Variants in OPCML observed in about 807,000 individuals in gnomAD.
The protein encoded by OPCML is opioid binding protein/cell adhesion molecule like.
In OPCML, 13 loss-of-function variants were observed where a neutral mutation model predicts 37.8. That is an observed-to-expected ratio of 0.34 (90% CI 0.22 to 0.55). OPCML has a LOEUF of 0.55. Among genes scored for constraint, OPCML ranks in the 20% least tolerant of loss-of-function variants. OPCML has a pLI of 0.91. For missense variants in OPCML, 341 were observed against 435.6 expected, an observed-to-expected ratio of 0.78 and a Z score of 1.93; for synonymous variants, 176 against 168.8, an observed-to-expected ratio of 1.04 and a Z score of -0.33.
chr11:132,430,543 A>G (rs2095993185), intron 7 of OPCML, among the ~76,000 whole-genome samples: 2 of 152,304 alleles, frequency 1.3e-5, no homozygotes, highest in East Asian at 3.9e-4. Context: ...CTGGAGTCAC[A>G]GCTGCTCCAA....
intron 1 of OPCML, among the ~76,000 whole-genome samples, chr11:133,215,089 C>A (rs892987116): frequency 6.6e-6 from 1 of 152,180 alleles, no homozygotes; most frequent in South Asian, 2.1e-4. Flanking sequence ...ATATCTCCAC[C>A]TTTTCACAGA....
At chr11:133,348,383 C>A (rs755820339) in intron 1 of OPCML, among the ~76,000 whole-genome samples, 2 of 152,160 alleles carry the variant, frequency 1.3e-5, no homozygotes, top group African/African-American at 2.4e-5. Context: ...GCAGGTGCTG[C>A]GTAAATGTTT....
chr11:132,541,784 A>C (rs988875414), intron 3 of OPCML, among the ~76,000 whole-genome samples: 44 of 152,310 alleles, frequency 2.9e-4, no homozygotes, highest in African/African-American at 1.0e-3. Flanking sequence ...AGCTACAGCC[A>C]GCCCACAGCT....
chr11:133,111,163 A>C (rs1164492067), intron 1 of OPCML, among the ~76,000 whole-genome samples: 1 of 138,730 alleles, frequency 7.2e-6, no homozygotes, highest in Non-Finnish European at 1.6e-5. Flanking sequence ...TTTGGGTAAT[A>C]TATTTAGTTC....
At chr11:132,682,917 G>T (rs988667803) in intron 2 of OPCML, among the ~76,000 whole-genome samples, 1 of 152,124 alleles carries the variant, frequency 6.6e-6, no homozygotes, top group Non-Finnish European at 1.5e-5. Flanking sequence ...TCTTCAAAAG[G>T]GTTTCTCACC....
intron 2 of OPCML, among the ~76,000 whole-genome samples, chr11:132,888,387 C>G (rs1409349309): frequency 2.0e-5 from 3 of 152,104 alleles, no homozygotes; most frequent in Admixed American, 2.0e-4. Context: ...TGATGTGTGA[C>G]AAATTGAAGG....
rs1001832056 is a variant in OPCML at position 132,852,925 on chromosome 11, A to T, written c.146+90001T>A. On this transcript the variant is annotated intron_variant, in intron 2 of 7. Transcript: ENST00000524381. ...TTGTTAAAAAAAAAAAAAAAGAAGA[A>T]GATTTGACAGACACCTTATGTAGCC... Among the ~76,000 whole-genome samples, 4 of 152,094 alleles carry T rather than the reference A, an allele frequency of 2.6e-5. No homozygotes were observed. The East Asian group carries it at 7.7e-4, about 29-fold the overall frequency.
At chr11:133,349,078 G>A (rs1296094104) in intron 1 of OPCML, among the ~76,000 whole-genome samples, 1 of 152,158 alleles carries the variant, frequency 6.6e-6, no homozygotes, top group Non-Finnish European at 1.5e-5. Context: ...ACTTCATACT[G>A]GCTGTATGTG....
chr11:133,100,669 C>G, intron 1 of OPCML, among the ~76,000 whole-genome samples: 1 of 152,024 alleles, frequency 6.6e-6, no homozygotes, highest in East Asian at 1.9e-4. Flanking sequence ...CACACAAATA[C>G]AGTAAACTGA....
chr11:133,481,531 T>C (rs1947372213), intron 1 of OPCML, among the ~76,000 whole-genome samples: 1 of 152,208 alleles, frequency 6.6e-6, no homozygotes. Context: ...TAAAATGTAT[T>C]CAGGCCATCC....
In OPCML at chr11:132,420,232, T is replaced by C. The variant is rs761181550; in HGVS notation, c.978A>G (p.Leu326=). ...SASRALACLW[L]SGTLLAHFFI... is the part of the protein sequence containing the mutation. ...AGAAGTGGGCTAAGAGGGTCCCTGA[T>C]AGCCAGAGACAAGCCAGTGCTCTGG... The change falls in exon 8 of 8, where the codon CTA becomes CTG. Residue 326 remains leucine, a synonymous_variant. Coordinates refer to ENST00000524381, the MANE Select transcript of OPCML (RefSeq NM_001012393.5). 2.5e-5 allele frequency: 41 copies of C among 1,613,790 alleles called. No homozygotes were observed. The highest frequency in any genetic ancestry group is 3.1e-5 in the Non-Finnish European group (37 of 1,179,864).
At chr11:132,877,854 A>G (rs1414221318) in intron 2 of OPCML, among the ~76,000 whole-genome samples, 1 of 152,228 alleles carries the variant, frequency 6.6e-6, no homozygotes, top group African/African-American at 2.4e-5. Flanking sequence ...GCGTAGCCAT[A>G]TGGTCATAGG....
At chr11:132,945,525 A>G (rs1945726353) in intron 1 of OPCML, among the ~76,000 whole-genome samples, 1 of 152,168 alleles carries the variant, frequency 6.6e-6, no homozygotes, top group Admixed American at 6.5e-5. Context: ...CGGGTGGGGA[A>G]TGGAGGCCTA....
chr11:132,617,824 C>T lies in OPCML; in HGVS notation c.379+39263G>A, dbSNP rs537866008. The stretch of plus-strand genomic sequence containing the variant: ...CCTCTTCTCATAAGGACACCAGTTC[C>T]GTCAGATTGAGGCCCTAACCTTATG... On this transcript the variant is annotated intron_variant, in intron 3 of 7. Transcript: ENST00000524381. 8.2e-4 allele frequency among the ~76,000 whole-genome samples: 125 copies of T among 152,284 alleles called. 1 individual carries two copies. The highest frequency in any genetic ancestry group is 2.8e-3 in the African/African-American group (115 of 41,562).
At chr11:132,681,625 G>A (rs891225219) in intron 2 of OPCML, among the ~76,000 whole-genome samples, 1 of 152,034 alleles carries the variant, frequency 6.6e-6, no homozygotes, top group Non-Finnish European at 1.5e-5. Context: ...CATTCCTCCG[G>A]GATGCCGGAC....
At chr11:133,287,365 G>A (rs2136527308) in intron 1 of OPCML, among the ~76,000 whole-genome samples, 1 of 145,734 alleles carries the variant, frequency 6.9e-6, no homozygotes, top group East Asian at 2.0e-4. Context: ...TCTCACCTTG[G>A]CCTCCCGACG....
intron 2 of OPCML, among the ~76,000 whole-genome samples, chr11:132,864,391 A>C (rs1218774225): frequency 6.6e-6 from 1 of 152,232 alleles, no homozygotes; most frequent in African/African-American, 2.4e-5. Context: ...TTAAGGCTCA[A>C]ATCTGTCACT....
intron 1 of OPCML, among the ~76,000 whole-genome samples, chr11:133,483,668 AATAGATG>A (rs1314201183): frequency 1.4e-5 from 2 of 143,534 alleles, no homozygotes; most frequent in African/African-American, 2.6e-5. Context: ...AGATTAGATA[AATAGATG>A]ATAGATAGAT....
chr11:133,009,229 C>T, intron 1 of OPCML: 1 of 985,274 alleles, frequency 1.0e-6, no homozygotes, highest in Non-Finnish European at 1.2e-6. Context: ...CAGGGAACTT[C>T]AAGTGTTGCA....
Sources: gnomAD v4.1 joint callset for allele counts (sites outside exome capture counted in the v4.1 genomes callset) on GRCh38, gnomAD v4.1.1 for gene constraint, MANE v1.5 for transcripts, NCBI Gene and HGNC (gene_info 2026-07-23, HGNC 2026-07-21) for gene names.